The following CAMKK2 variants were observed in gnomAD, a reference collection of about 807,000 sequenced individuals.
CAMKK2 encodes calcium/calmodulin dependent protein kinase kinase 2, also known as calcium/calmodulin-dependent protein kinase kinase 2.
Under a neutral mutation model 67.2 loss-of-function variants are expected in CAMKK2, and 30 were observed. The ratio of observed to expected loss-of-function variants is 0.45; its 90% CI spans 0.33 to 0.61. The LOEUF (loss-of-function observed/expected upper bound fraction) is 0.61. Among genes scored for constraint, CAMKK2 ranks in the 20% least tolerant of loss-of-function variants. The pLI is 0.02. For missense variants in CAMKK2, 643 were observed against 802.0 expected, an observed-to-expected ratio of 0.80 and a Z score of 2.39; for synonymous variants, 322 against 326.2, an observed-to-expected ratio of 0.99 and a Z score of 0.14.
intron 7 of CAMKK2, among the ~76,000 whole-genome samples, chr12:121,258,959 C>T (rs931410056): frequency 6.6e-6 from 1 of 151,748 alleles, no homozygotes; most frequent in African/African-American, 2.4e-5. Context: ...TCTCGTGCCT[C>T]AGCCTCCCGA....
intron 1 of CAMKK2, among the ~76,000 whole-genome samples, chr12:121,278,603 G>T (rs906403916): frequency 6.6e-5 from 10 of 152,186 alleles, no homozygotes; most frequent in African/African-American, 2.2e-4. Flanking sequence ...AGATCTGATG[G>T]TTTTATCAGG....
chr12:121,253,562 T>C lies in CAMKK2; in HGVS notation c.908-90A>G. ...GCCACATGGCCTGGAGACACAGGCA[T>C]GGCACCCCTCTGATGCCTTGTCTCC... On this transcript the variant is annotated intron_variant, in intron 9 of 16. Coordinates refer to ENST00000404169, the MANE Select transcript of CAMKK2 (RefSeq NM_001270485.2). This position sits in a 1 kb window ranked among gnomAD's most constrained non-coding sequence, Gnocchi z 5.0. 1.8e-6 allele frequency: 2 copies of C among 1,105,248 alleles called. No individual in the cohort carries two copies. Among genetic ancestry groups the C allele is most frequent in the Non-Finnish European group, 2.8e-6 (2 of 726,788 alleles). 68.5% of individuals were successfully genotyped at this position (1,105,248 alleles called of 1,614,324 possible). A position where few individuals can be genotyped will look rare whatever the true frequency, so the allele number is the denominator to read the frequency against.
chr12:121,289,130 G>A (rs1049589999), intron 1 of CAMKK2, among the ~76,000 whole-genome samples: 9 of 151,922 alleles, frequency 5.9e-5, no homozygotes, highest in South Asian at 2.1e-4. Context: ...GAGCCAGGGC[G>A]CCCCACTCTG....
chr12:121,292,200 A>G (rs1395053282), intron 1 of CAMKK2, among the ~76,000 whole-genome samples: 1 of 151,634 alleles, frequency 6.6e-6, no homozygotes, highest in Non-Finnish European at 1.5e-5. Context: ...ATCTTGGCTC[A>G]ATGCAACATC....
intron 1 of CAMKK2, among the ~76,000 whole-genome samples, chr12:121,283,782 T>G (rs11831800): frequency 1.8e-4 from 28 of 152,038 alleles, no homozygotes; most frequent in Admixed American, 1.3e-4. Flanking sequence ...ACCACTGCAC[T>G]CCAGCCTGGG....
chr12:121,252,713 G>A lies in CAMKK2; in HGVS notation c.1109C>T (p.Ala370Val). 1 of 1,614,136 alleles carries A rather than the reference G, an allele frequency of 6.2e-7. No individual in the cohort carries two copies. Among genetic ancestry groups the A allele is most frequent in the Non-Finnish European group, 8.5e-7 (1 of 1,179,990 alleles). ...CACACCCATGGCCCAAACATCCAAG[G>A]CCTGCAAGAAAAAGAGCTTAGTGTG... ...SETRKIFSGK[A>V]LDVWAMGVTL... Residue 370 changes from alanine (A) to valine (V), a missense_variant and splice_region_variant, in exon 11 of 17, where the codon GCC becomes GTC. By Grantham distance (64) the Ala-to-Val change is moderately conservative. This residue lies in a region of CAMKK2 where 483 missense variants were observed against 625.8 expected (regional missense o/e 0.77). Transcript: ENST00000404169.
At chr12:121,294,224 C>G (rs868580665) in intron 1 of CAMKK2, among the ~76,000 whole-genome samples, 1 of 152,046 alleles carries the variant, frequency 6.6e-6, no homozygotes, top group Admixed American at 6.6e-5. Context: ...TGAGCCACCA[C>G]GCCCAGCCAG....
intron 5 of CAMKK2, among the ~76,000 whole-genome samples, chr12:121,266,888 ACCTGCAG>A (rs1894661426): frequency 1.3e-5 from 2 of 151,924 alleles, no homozygotes. Flanking sequence ...TGATACTCTC[ACCTGCAG>A]CCTATCATCT....
intron 2 of CAMKK2, among the ~76,000 whole-genome samples, chr12:121,272,137 G>C (rs970586977): frequency 6.6e-6 from 1 of 152,200 alleles, no homozygotes; most frequent in Non-Finnish European, 1.5e-5. Context: ...CATTGTACCA[G>C]GCCTTGACAG....
chr12:121,274,602 G>C lies in CAMKK2; in HGVS notation c.-59-17C>G, dbSNP rs892509359. On this transcript the variant is annotated splice_polypyrimidine_tract_variant and intron_variant, in intron 1 of 16. Transcript: ENST00000404169. ...CGGAGCCACCTGCAGAAAGAGAAAGGGTCAGCTGGCCCAGCTCCTACGGGC... is the reference window on the plus strand; with the variant it reads ...CGGAGCCACCTGCAGAAAGAGAAAGCGTCAGCTGGCCCAGCTCCTACGGGC... 21 of 1,059,046 alleles carry C rather than the reference G, an allele frequency of 2.0e-5. No homozygotes were observed. The highest frequency in any genetic ancestry group is 7.9e-5 in the African/African-American group (5 of 63,092). The allele number at this position is 1,059,046 out of a possible 1,614,324, so 65.6% of individuals were successfully genotyped here.
Position 121,240,840 on chromosome 12 carries a change from C to T in CAMKK2, c.1626G>A (p.Gly542=). The change falls in exon 17 of 17, where the codon GGG becomes GGA. Residue 542 remains glycine, a synonymous_variant. Coordinates refer to ENST00000404169, the MANE Select transcript of CAMKK2 (RefSeq NM_001270485.2). The surrounding 1 kb of genome is among the most constrained non-coding windows in gnomAD (Gnocchi z 4.4). ...KEARQRRQPP[G]HRPAPRGGGG... Reference sequence around the variant, plus strand: ...CTCCCCCACGGGGGGCGGGTCGGTGCCCTGGAGGTTGTCTTCGCTGCCTTG... The same window carrying T: ...CTCCCCCACGGGGGGCGGGTCGGTGTCCTGGAGGTTGTCTTCGCTGCCTTG... 6.2e-7 allele frequency: 1 copy of T among 1,612,536 alleles called. No homozygotes were observed.
intron 11 of CAMKK2, among the ~76,000 whole-genome samples, chr12:121,251,745 T>A (rs1890754780): frequency 6.7e-6 from 1 of 149,588 alleles, no homozygotes; most frequent in African/African-American, 2.5e-5. Context: ...GAGAATGGCT[T>A]GAACCCGGGA....
At position 121,274,606 on chromosome 12, in the gene CAMKK2, A is replaced by T. The variant is rs202096386; in HGVS notation, c.-59-21T>A. The T allele has an allele frequency of 2.2e-5, 21 of 952,492 alleles. No individual in the cohort carries two copies. In the African/African-American group the frequency reaches 3.4e-4, roughly 16 times the overall value. 59.0% of individuals were successfully genotyped at this position (952,492 alleles called of 1,614,324 possible). On this transcript the variant is annotated intron_variant, in intron 1 of 16. Transcript: ENST00000404169. ...GCCACCTGCAGAAAGAGAAAGGGTC[A>T]GCTGGCCCAGCTCCTACGGGCAGGG...
chr12:121,286,236 A>G (rs1898718631), intron 1 of CAMKK2, among the ~76,000 whole-genome samples: 1 of 152,230 alleles, frequency 6.6e-6, no homozygotes, highest in Admixed American at 6.5e-5. Flanking sequence ...TCCAGGCCAA[A>G]CTGCCAGGCA....
chr12:121,281,087 C>T (rs1300443328), intron 1 of CAMKK2, among the ~76,000 whole-genome samples: 2 of 152,332 alleles, frequency 1.3e-5, no homozygotes, highest in Admixed American at 6.5e-5. Flanking sequence ...ATGTCTCCCC[C>T]GGACGCCCAG....
chr12:121,245,263 G>A lies in CAMKK2; in HGVS notation c.1453-23C>T, dbSNP rs1372738908. 2 of 1,509,696 alleles carry A rather than the reference G, an allele frequency of 1.3e-6. No individual in the cohort carries two copies. The highest frequency in any genetic ancestry group is 1.8e-6 in the Non-Finnish European group (2 of 1,097,472). The allele number at this position is 1,509,696 out of a possible 1,614,324, so 93.5% of individuals were successfully genotyped here. On this transcript the variant is annotated intron_variant, in intron 14 of 16. Coordinates refer to ENST00000404169, the MANE Select transcript of CAMKK2 (RefSeq NM_001270485.2). This position sits in a 1 kb window ranked among gnomAD's most constrained non-coding sequence, Gnocchi z 5.8. ...GATCTGAAGAGGGAGAAAAGAGGAG[G>A]TGGCAGGCAACTGCTTGGCCATGTG...
rs991404642 is a variant in CAMKK2 at position 121,255,557 on chromosome 12, G to A, written c.900C>T (p.Ile300=). The stretch of plus-strand genomic sequence containing the variant: ...CCCGCAGGCCCTGCTCACAGTACTC[G>A]ATGCCTTTGATCAGATCCTGGAAGT... The part of the protein sequence containing the change: ...RFYFQDLIKG[I]EYLHYQKIIH... The change falls in exon 9 of 17, where the codon ATC becomes ATT. Residue 300 remains isoleucine, a synonymous_variant. Coordinates refer to ENST00000404169, the MANE Select transcript of CAMKK2 (RefSeq NM_001270485.2). The A allele has an allele frequency of 1.9e-6, 3 of 1,610,032 alleles. No homozygotes were observed. The highest frequency in any genetic ancestry group is 2.5e-6 in the Non-Finnish European group (3 of 1,178,778).
At chr12:121,246,253 CG>C (rs146641557) in intron 14 of CAMKK2, among the ~76,000 whole-genome samples, 35,487 of 82,998 alleles carry the variant, frequency 0.43, 4,100 homozygotes, top group Admixed American at 0.5. Flanking sequence ...AAAGAAGGAG[CG>C]GGGGGGGGGA....
At chr12:121,288,756 C>T (rs1404554138) in intron 1 of CAMKK2, among the ~76,000 whole-genome samples, 1 of 152,118 alleles carries the variant, frequency 6.6e-6, no homozygotes, top group Non-Finnish European at 1.5e-5. Flanking sequence ...CCGAGGACCA[C>T]CATCCCTCTC....
Sources: gnomAD v4.1 joint callset for allele counts (sites outside exome capture counted in the v4.1 genomes callset) on GRCh38, gnomAD v4.1.1 for gene constraint, gnomAD v4.1.1 regional missense constraint, Gnocchi (gnomAD v3.1) non-coding constraint, MANE v1.5 for transcripts, NCBI Gene and HGNC (gene_info 2026-07-23, HGNC 2026-07-21) for gene names.